Variants in SRRM3 observed in about 807,000 individuals in gnomAD.
SRRM3 encodes the protein serine/arginine repetitive matrix protein 3.
In SRRM3, 27 loss-of-function variants were observed where a neutral mutation model predicts 66.2. The observed-to-expected ratio is 0.41, with a 90% CI of 0.30 to 0.56. The LOEUF is 0.56. Among genes scored for constraint, SRRM3 ranks in the 20% least tolerant of loss-of-function variants. SRRM3 has a pLI of 0.32. For missense variants in SRRM3, 918 were observed against 991.9 expected, an observed-to-expected ratio of 0.93 and a Z score of 1.00; for synonymous variants, 391 against 414.9, an observed-to-expected ratio of 0.94 and a Z score of 0.70.
At chr7:76,266,648 TTA>T (rs1411495335) in intron 10 of SRRM3, among the ~76,000 whole-genome samples, 1 of 132,202 alleles carries the variant, frequency 7.6e-6, no homozygotes, top group Admixed American at 9.2e-5. Context: ...TATTTATATA[TTA>T]TATATATTAT....
intron 1 of SRRM3, among the ~76,000 whole-genome samples, chr7:76,218,524 G>C (rs1563609484): frequency 6.6e-6 from 1 of 152,082 alleles, no homozygotes; most frequent in Non-Finnish European, 1.5e-5. Context: ...GGCCCTGACA[G>C]AGAGCAGGAA....
rs184866622 is a variant in SRRM3 at position 76,235,188 on chromosome 7, C to G, written c.122C>G (p.Ala41Gly). 59 of 1,549,004 alleles carry G rather than the reference C, an allele frequency of 3.8e-5. No homozygotes were observed. The African/African-American group carries it at 7.9e-4, about 21-fold the overall frequency. The change falls in exon 2 of 15, where the codon GCC (alanine) becomes GGC (glycine). Residue 41 changes from alanine (A) to glycine (G), a missense_variant. Ala to Gly is a moderately conservative substitution (Grantham distance 60, BLOSUM62 0). Coordinates refer to ENST00000611745, the MANE Select transcript of SRRM3 (RefSeq NM_001110199.3). ...TWPRAEEELR[A>G]AEPGLVKRAH... ...CCGCGGGCGGAAGAGGAGCTGCGCG[C>G]CGCGGAGCCGGGCCTGGTGAAGCGC...
At chr7:76,264,385 C>G (rs1801958783) in intron 8 of SRRM3, among the ~76,000 whole-genome samples, 1 of 123,020 alleles carries the variant, frequency 8.1e-6, no homozygotes, top group Non-Finnish European at 1.7e-5. Context: ...AGGCTGGTCT[C>G]AAACTCCTGA....
rs1328154679 is a variant in SRRM3 at position 76,287,010 on chromosome 7, GAAGGGAGGGGAGGA to G, written c.*1171_*1184del. 6.5e-6 allele frequency: 1 copy of G among 152,770 alleles called. No individual in the cohort carries two copies. Among genetic ancestry groups the G allele is most frequent in the Non-Finnish European group, 1.5e-5 (1 of 68,142 alleles). 9.5% of individuals were successfully genotyped at this position (152,770 alleles called of 1,614,324 possible). ...GTAGAGATGGAGGCTACAGCCCTCAGAAGGGAGGGGAGGAAAGAGACTGAGGGCCCTGGCCTGGG... is the reference window on the plus strand; with the variant it reads ...GTAGAGATGGAGGCTACAGCCCTCAGAAGAGACTGAGGGCCCTGGCCTGGG... On this transcript the variant is annotated 3_prime_UTR_variant, in exon 15 of 15. Coordinates refer to ENST00000611745, the MANE Select transcript of SRRM3 (RefSeq NM_001110199.3).
chr7:76,232,961 G>A (rs185903782), intron 1 of SRRM3, among the ~76,000 whole-genome samples: 11 of 151,998 alleles, frequency 7.2e-5, no homozygotes, highest in Admixed American at 1.3e-4. Flanking sequence ...TTGGGTCCAC[G>A]TGGTAACAGG....
chr7:76,225,140 C>T (rs1165951423), intron 1 of SRRM3, among the ~76,000 whole-genome samples: 1 of 152,168 alleles, frequency 6.6e-6, no homozygotes, highest in Non-Finnish European at 1.5e-5. Context: ...AACTGAGGCT[C>T]GGAGAAGTTT....
intron 2 of SRRM3, 91 bp downstream of exon 2, chr7:76,235,390 G>A: frequency 1.7e-6 from 2 of 1,147,992 alleles, no homozygotes; most frequent in Non-Finnish European, 2.4e-6. Flanking sequence ...CGTGGCGAAC[G>A]TCGTGGGCGG....
At chr7:76,221,734 G>T (rs192477970) in intron 1 of SRRM3, among the ~76,000 whole-genome samples, 1 of 152,160 alleles carries the variant, frequency 6.6e-6, no homozygotes, top group Non-Finnish European at 1.5e-5. Context: ...AAAGTACCAT[G>T]ATTGGGCTAT....
chr7:76,285,977 C>T lies in SRRM3; in HGVS notation c.*134C>T. ...AGAGGTCTCAGGGCCAGTGCACGGG[C>T]AGATGGGACCGGGGAAGACTTTGAG... On this transcript the variant is annotated 3_prime_UTR_variant, in exon 15 of 15. Coordinates refer to ENST00000611745, the MANE Select transcript of SRRM3 (RefSeq NM_001110199.3). This position sits in a 1 kb window ranked among gnomAD's most constrained non-coding sequence, Gnocchi z 4.1. The T allele has an allele frequency of 1.0e-6, 1 of 974,018 alleles. No individual in the cohort carries two copies. The highest frequency in any genetic ancestry group is 1.5e-6 in the Non-Finnish European group (1 of 663,184). The allele number at this position is 974,018 out of a possible 1,614,324, so 60.3% of individuals were successfully genotyped here.
In SRRM3 at chr7:76,267,402, G is replaced by A; in HGVS notation, c.975G>A (p.Gly325=). 1 of 1,391,428 alleles carries A rather than the reference G, an allele frequency of 7.2e-7. No individual in the cohort carries two copies. Among genetic ancestry groups the A allele is most frequent in the African/African-American group, 1.5e-5 (1 of 65,402 alleles). 86.2% of individuals were successfully genotyped at this position (1,391,428 alleles called of 1,614,324 possible). Residue 325 remains glycine (G), a synonymous_variant, in exon 11 of 15, where the codon GGG becomes GGA. Coordinates refer to ENST00000611745, the MANE Select transcript of SRRM3 (RefSeq NM_001110199.3). ...GGSGQRSGAH[G]GRPGSAHSPP... Reference sequence around the variant, plus strand: ...GCGGGCAGCGGAGCGGAGCGCACGGGGGCCGCCCCGGCTCGGCGCACAGCC... The same window carrying A: ...GCGGGCAGCGGAGCGGAGCGCACGGAGGCCGCCCCGGCTCGGCGCACAGCC...
chr7:76,270,445 G>T (rs1322432021), intron 11 of SRRM3, among the ~76,000 whole-genome samples: 2 of 152,106 alleles, frequency 1.3e-5, no homozygotes, highest in East Asian at 3.9e-4. Flanking sequence ...GGAGGCTGAG[G>T]GGGGCGGATC....
At chr7:76,281,123 CCT>C (rs1374401830) in intron 11 of SRRM3, among the ~76,000 whole-genome samples, 1 of 150,436 alleles carries the variant, frequency 6.6e-6, no homozygotes, top group Non-Finnish European at 1.5e-5. Flanking sequence ...TTTCTCTCTT[CCT>C]CTTTCTCTTC....
chr7:76,207,600 C>T (rs1800333842), intron 1 of SRRM3, among the ~76,000 whole-genome samples: 2 of 152,102 alleles, frequency 1.3e-5, no homozygotes, highest in South Asian at 4.1e-4. Flanking sequence ...TTTGGTGGCT[C>T]ACCCTGTAAT....
At chr7:76,268,569 C>T (rs1802131376) in intron 11 of SRRM3, 1 of 152,232 alleles carries the variant, frequency 6.6e-6, no homozygotes, top group Non-Finnish European at 1.5e-5. Flanking sequence ...TGGCTGTTTC[C>T]TTTCACTCCC....
At chr7:76,212,459 G>T (rs569842704) in intron 1 of SRRM3, among the ~76,000 whole-genome samples, 3 of 145,020 alleles carry the variant, frequency 2.1e-5, no homozygotes, top group African/African-American at 5.1e-5. Context: ...ACCCAGCAAG[G>T]TCTGCTTTTT....
intron 1 of SRRM3, among the ~76,000 whole-genome samples, chr7:76,222,974 C>G (rs1800763688): frequency 6.6e-6 from 1 of 152,110 alleles, no homozygotes; most frequent in Non-Finnish European, 1.5e-5. Context: ...ACCCCCACAC[C>G]CTGACCAGGA....
intron 10 of SRRM3, among the ~76,000 whole-genome samples, chr7:76,265,848 ATATATATATATTTT>A (rs1802005328): frequency 1.1e-4 from 1 of 9,430 alleles, no homozygotes; most frequent in East Asian, 0.012. Context: ...ATATATATAT[ATATATATATATTTT>A]TTTTTTTTTT....
intron 1 of SRRM3, among the ~76,000 whole-genome samples, chr7:76,204,345 C>T (rs927542885): frequency 1.3e-5 from 2 of 152,210 alleles, no homozygotes; most frequent in African/African-American, 4.8e-5. Flanking sequence ...TACACATACA[C>T]TGAGCCTCTG....
At chr7:76,273,217 T>C (rs1015138069) in intron 11 of SRRM3, 1 of 152,330 alleles carries the variant, frequency 6.6e-6, no homozygotes, top group Non-Finnish European at 1.5e-5. Flanking sequence ...TGTCTCTCTC[T>C]CTTCCTTTCC....
Sources: gnomAD v4.1 joint callset for allele counts (sites outside exome capture counted in the v4.1 genomes callset) on GRCh38, gnomAD v4.1.1 for gene constraint, Gnocchi (gnomAD v3.1) non-coding constraint, MANE v1.5 for transcripts, NCBI Gene and HGNC (gene_info 2026-07-23, HGNC 2026-07-21) for gene names.